Variants in KCTD20 observed in about 807,000 individuals in gnomAD.
KCTD20 encodes the protein potassium channel tetramerization domain containing 20, also known as BTB/POZ domain-containing protein KCTD20.
In KCTD20, 30 loss-of-function variants were observed where a neutral mutation model predicts 39.6. That is an observed-to-expected ratio of 0.76 (90% CI 0.57 to 1.03). KCTD20 has a LOEUF of 1.03. KCTD20 is among the 50% of genes least tolerant of loss of function. KCTD20 has a pLI of 0.00. For synonymous variants in KCTD20, 162 were observed against 180.6 expected (o/e 0.90, Z 0.83); for missense variants, 422 against 522.0 (o/e 0.81, Z 1.87).
chr6:36,476,404 G>C (rs970226053), intron 3 of KCTD20, among the ~76,000 whole-genome samples: 13 of 149,924 alleles, frequency 8.7e-5, no homozygotes, highest in Non-Finnish European at 1.6e-4. Context: ...ATGTGTATTT[G>C]AACATATAAA....
chr6:36,488,217 T>G lies in KCTD20; in HGVS notation c.*1042T>G, dbSNP rs2127460108. On this transcript the variant is annotated 3_prime_UTR_variant, in exon 8 of 8. Coordinates refer to ENST00000373731, the MANE Select transcript of KCTD20 (RefSeq NM_173562.5). ...GTATGTTTTCATACCATGGGATTTT[T>G]GGATATCAGTGTATTTTGGTTCTTG... 6.6e-6 allele frequency: 1 copy of G among 152,348 alleles called. No homozygotes were observed. The highest frequency in any genetic ancestry group is 3.4e-3 in the Middle Eastern group (1 of 294). 9.4% of individuals were successfully genotyped at this position (152,348 alleles called of 1,614,324 possible). A position where few individuals can be genotyped will look rare whatever the true frequency, so the allele number is the denominator to read the frequency against.
chr6:36,474,292 A>G (rs1490686279), intron 2 of KCTD20, among the ~76,000 whole-genome samples: 2 of 145,902 alleles, frequency 1.4e-5, no homozygotes, highest in Non-Finnish European at 3.0e-5. Context: ...ACAATTTTGA[A>G]GAATCTGAAA....
In KCTD20 at chr6:36,490,071, T is replaced by C. The variant is rs1039768624; in HGVS notation, c.*2896T>C. 6.6e-6 allele frequency: 1 copy of C among 152,204 alleles called. No individual in the cohort carries two copies. Among genetic ancestry groups the C allele is most frequent in the African/African-American group, 2.4e-5 (1 of 41,444 alleles). The allele number at this position is 152,204 out of a possible 1,614,324, so 9.4% of individuals were successfully genotyped here. ...CAGTGTGATGTCTAATATATACAGG[T>C]CTATGAAAATACTGTGGAATAAGCC... On this transcript the variant is annotated 3_prime_UTR_variant, in exon 8 of 8. Transcript: ENST00000373731.
chr6:36,474,066 G>T (rs1775991536), intron 2 of KCTD20, among the ~76,000 whole-genome samples: 1 of 152,000 alleles, frequency 6.6e-6, no homozygotes, highest in South Asian at 2.1e-4. Context: ...ATTTTGTTTT[G>T]TTTTGTTTTT....
At chr6:36,481,024 C>G (rs1054786045) in intron 5 of KCTD20, among the ~76,000 whole-genome samples, 5 of 152,218 alleles carry the variant, frequency 3.3e-5, no homozygotes, top group Non-Finnish European at 7.3e-5. Flanking sequence ...ACTCCATGCT[C>G]TTATTACCTG....
intron 5 of KCTD20, among the ~76,000 whole-genome samples, chr6:36,481,175 T>C (rs768154796): frequency 6.6e-6 from 1 of 152,228 alleles, no homozygotes; most frequent in Non-Finnish European, 1.5e-5. Context: ...GTCACCAAAA[T>C]TCAGATTATT....
chr6:36,488,373 G>C lies in KCTD20; in HGVS notation c.*1198G>C, dbSNP rs1462601618. The C allele has an allele frequency of 6.6e-6, 1 of 152,142 alleles. No individual in the cohort carries two copies. The highest frequency in any genetic ancestry group is 1.9e-4 in the East Asian group (1 of 5,198). 9.4% of individuals were successfully genotyped at this position (152,142 alleles called of 1,614,324 possible). ...TCTATTAGCTCTGTTATCAGTGCATGATCACCCAGATCACCCTCCTCAGCC... is the reference window on the plus strand; with the variant it reads ...TCTATTAGCTCTGTTATCAGTGCATCATCACCCAGATCACCCTCCTCAGCC... On this transcript the variant is annotated 3_prime_UTR_variant, in exon 8 of 8. Coordinates refer to ENST00000373731, the MANE Select transcript of KCTD20 (RefSeq NM_173562.5).
intron 1 of KCTD20, among the ~76,000 whole-genome samples, chr6:36,450,446 C>T (rs1286449897): frequency 6.6e-6 from 1 of 151,444 alleles, no homozygotes; most frequent in Non-Finnish European, 1.5e-5. Context: ...TGAGATTGTG[C>T]CACTGCACTC....
At chr6:36,486,119 G>C (rs1776413139) in intron 7 of KCTD20, among the ~76,000 whole-genome samples, 1 of 151,930 alleles carries the variant, frequency 6.6e-6, no homozygotes, top group African/African-American at 2.4e-5. Flanking sequence ...TCTGGCCCAG[G>C]CTGGTTTTGA....
chr6:36,480,027 A>C (rs985670757), intron 5 of KCTD20, among the ~76,000 whole-genome samples: 1 of 152,100 alleles, frequency 6.6e-6, no homozygotes, highest in African/African-American at 2.4e-5. Context: ...TCCTGACCTC[A>C]GGTGATCCGC....
intron 1 of KCTD20, among the ~76,000 whole-genome samples, chr6:36,455,778 T>C (rs1220182524): frequency 6.6e-6 from 1 of 152,198 alleles, no homozygotes; most frequent in East Asian, 1.9e-4. Context: ...GCAGGCAGAA[T>C]TTCTTCTTCC....
chr6:36,485,425 C>T (rs1776385901), intron 7 of KCTD20, among the ~76,000 whole-genome samples: 1 of 151,754 alleles, frequency 6.6e-6, no homozygotes, highest in Admixed American at 6.6e-5. Context: ...CCATGGAAGG[C>T]TCTCAAGAGA....
At chr6:36,467,568 C>A (rs548952276) in intron 1 of KCTD20, among the ~76,000 whole-genome samples, 2 of 151,238 alleles carry the variant, frequency 1.3e-5, no homozygotes, top group Non-Finnish European at 2.9e-5. Flanking sequence ...GATCTCCTGA[C>A]CTCGTGATCC....
intron 1 of KCTD20, among the ~76,000 whole-genome samples, chr6:36,450,163 T>TA (rs576681021): frequency 5.3e-4 from 56 of 105,862 alleles, no homozygotes; most frequent in South Asian, 1.2e-3. Flanking sequence ...GACTCCGTCC[T>TA]AAAAAAAAAA....
intron 1 of KCTD20, among the ~76,000 whole-genome samples, chr6:36,447,730 C>A (rs1302193878): frequency 6.6e-6 from 1 of 151,878 alleles, no homozygotes; most frequent in East Asian, 1.9e-4. Flanking sequence ...GTAGCTCACA[C>A]CTATAATCCC....
Position 36,470,087 on chromosome 6 carries a change from A to C in KCTD20, c.-11A>C. On this transcript the variant is annotated 5_prime_UTR_variant, in exon 2 of 8. Coordinates refer to ENST00000373731, the MANE Select transcript of KCTD20 (RefSeq NM_173562.5). Reference sequence around the variant, plus strand: ...TGATCAAACGGACAGTTCAGGACTCAGAATCTAAGGATGAATGTTCACCGT... The same window carrying C: ...TGATCAAACGGACAGTTCAGGACTCCGAATCTAAGGATGAATGTTCACCGT... 6.2e-7 allele frequency: 1 copy of C among 1,609,774 alleles called. No homozygotes were observed. Among genetic ancestry groups the C allele is most frequent in the Non-Finnish European group, 8.5e-7 (1 of 1,177,026 alleles).
chr6:36,452,905 TAG>T (rs1265820392), intron 1 of KCTD20, among the ~76,000 whole-genome samples: 2 of 151,802 alleles, frequency 1.3e-5, no homozygotes, highest in African/African-American at 4.8e-5. Flanking sequence ...ATATAAAGTA[TAG>T]AGTTGAGTGG....
chr6:36,443,287 G>T (rs56146544), intron 1 of KCTD20, 176 bp downstream of exon 1: 25,714 of 151,852 alleles, frequency 0.17, 2,463 homozygotes, highest in South Asian at 0.28. Context: ...GGAACCTGTG[G>T]GCAGCGGCTT....
chr6:36,478,379 C>T (rs1168743098), intron 3 of KCTD20, among the ~76,000 whole-genome samples: 1 of 152,104 alleles, frequency 6.6e-6, no homozygotes, highest in Non-Finnish European at 1.5e-5. Flanking sequence ...TGGGGAGAGG[C>T]AAATAAGAAA....
Sources: gnomAD v4.1 joint callset for allele counts (sites outside exome capture counted in the v4.1 genomes callset) on GRCh38, gnomAD v4.1.1 for gene constraint, MANE v1.5 for transcripts, NCBI Gene and HGNC (gene_info 2026-07-23, HGNC 2026-07-21) for gene names.